IL5RA: variants seen among roughly 807,000 people sequenced by gnomAD.
The protein encoded by IL5RA is interleukin-5 receptor subunit alpha.
IL5RA carries 49 observed loss-of-function variants against 50.0 expected under a neutral mutation model. The observed-to-expected ratio is 0.98, with a 90% CI of 0.78 to 1.24. The LOEUF (loss-of-function observed/expected upper bound fraction) is 1.24. IL5RA is among the 50% of genes most tolerant of loss of function. The probability of loss-of-function intolerance (pLI) is 0.00; values close to 1 mark genes in which losing one functional copy is unlikely to be tolerated. For synonymous variants in IL5RA, 202 were observed against 174.0 expected, an observed-to-expected ratio of 1.16 and a Z score of -1.26; for missense variants, 600 against 500.4, an observed-to-expected ratio of 1.20 and a Z score of -1.90.
At chr3:3,073,111 T>C (rs1464236539) in intron 11 of IL5RA, among the ~76,000 whole-genome samples, 1 of 152,196 alleles carries the variant, frequency 6.6e-6, no homozygotes, top group East Asian at 1.9e-4. Context: ...AGAATGATTC[T>C]TTTGCCAGCC....
intron 10 of IL5RA, among the ~76,000 whole-genome samples, chr3:3,075,873 T>G (rs924229130): frequency 3.9e-5 from 6 of 152,188 alleles, no homozygotes; most frequent in African/African-American, 7.2e-5. Flanking sequence ...GTGCTGGGAT[T>G]ACAGGAGTGA....
At chr3:3,083,321 T>C (rs17878509) in intron 9 of IL5RA, among the ~76,000 whole-genome samples, 1,813 of 151,918 alleles carry the variant, frequency 0.012, 13 homozygotes, top group Middle Eastern at 0.044. Context: ...ATGTGTAGAG[T>C]AGTGAAGGAC....
chr3:3,089,660 G>A (rs1254815686), intron 9 of IL5RA, among the ~76,000 whole-genome samples: 1 of 139,012 alleles, frequency 7.2e-6, no homozygotes, highest in East Asian at 2.1e-4. Context: ...TTTTTTTTTT[G>A]AGATGTCGCC....
At position 3,092,142 on chromosome 3, in the gene IL5RA, C is replaced by A; in HGVS notation, c.994+82G>T. The A allele has an allele frequency of 5.1e-6, 8 of 1,554,222 alleles. No individual in the cohort carries two copies. Among genetic ancestry groups the A allele is most frequent in the Middle Eastern group, 1.7e-4 (1 of 5,788 alleles). Reference sequence around the variant, plus strand: ...AGATATGAAACCATTTTAAGACCCACGAGTGAACGGGTACGTTTCTGGGAT... The same window carrying A: ...AGATATGAAACCATTTTAAGACCCAAGAGTGAACGGGTACGTTTCTGGGAT... On this transcript the variant is annotated intron_variant, in intron 9 of 11. Transcript: ENST00000446632. This position sits in a 1 kb window ranked among gnomAD's most constrained non-coding sequence, Gnocchi z 4.2.
At chr3:3,091,693 C>T (rs142798401) in intron 9 of IL5RA, 1 of 152,490 alleles carries the variant, frequency 6.6e-6, no homozygotes, top group Non-Finnish European at 1.5e-5. Flanking sequence ...GATGGCGCCA[C>T]TGCACTCCAG....
intron 10 of IL5RA, among the ~76,000 whole-genome samples, chr3:3,076,275 G>T (rs1702479797): frequency 6.6e-6 from 1 of 152,176 alleles, no homozygotes; most frequent in Non-Finnish European, 1.5e-5. Flanking sequence ...GAAATTAAAA[G>T]CTGTCGACAA....
intron 5 of IL5RA, among the ~76,000 whole-genome samples, chr3:3,099,657 A>ATTT (rs1703544933): frequency 1.6e-5 from 1 of 62,544 alleles, no homozygotes; most frequent in Non-Finnish European, 3.1e-5. Flanking sequence ...ATTTTATTTT[A>ATTT]TTTATTATTA....
intron 9 of IL5RA, among the ~76,000 whole-genome samples, chr3:3,078,014 TG>T (rs1264958496): frequency 6.6e-6 from 1 of 152,154 alleles, no homozygotes; most frequent in Non-Finnish European, 1.5e-5. Flanking sequence ...TGGGATTCAG[TG>T]GTCGAAAGAT....
At chr3:3,073,342 T>A (rs949154513) in intron 11 of IL5RA, among the ~76,000 whole-genome samples, 2 of 143,088 alleles carry the variant, frequency 1.4e-5, no homozygotes, top group Non-Finnish European at 3.2e-5. Flanking sequence ...GAAAACTGTT[T>A]GATCTAAATC....
chr3:3,103,419 A>G (rs1394787820), intron 3 of IL5RA, among the ~76,000 whole-genome samples: 2 of 152,222 alleles, frequency 1.3e-5, no homozygotes, highest in African/African-American at 4.8e-5. Context: ...AGAATAGAAA[A>G]TATCAGTGTG....
chr3:3,103,289 A>G (rs566085080), intron 3 of IL5RA, among the ~76,000 whole-genome samples: 1 of 152,358 alleles, frequency 6.6e-6, no homozygotes, highest in East Asian at 1.9e-4. Context: ...ACATGTTACT[A>G]TATCACTATT....
intron 8 of IL5RA, among the ~76,000 whole-genome samples, chr3:3,094,573 G>A (rs1703267620): frequency 6.6e-6 from 1 of 152,174 alleles, no homozygotes; most frequent in Non-Finnish European, 1.5e-5. Flanking sequence ...GGACATGGGT[G>A]TACAAACATC....
chr3:3,092,993 G>GT lies in IL5RA; in HGVS notation c.856-632_856-631insA. Among the ~76,000 whole-genome samples the GT allele has an allele frequency of 1.3e-5, 2 of 151,922 alleles. No homozygotes were observed. Among genetic ancestry groups the GT allele is most frequent in the East Asian group, 1.9e-4 (1 of 5,174 alleles). ...CTAACTGATATCATATGTCCATGTC[G>GT]CCCCTCCCCACTCACATCCAGTTTT... On this transcript the variant is annotated intron_variant, in intron 8 of 11. Transcript: ENST00000446632. This position sits in a 1 kb window ranked among gnomAD's most constrained non-coding sequence, Gnocchi z 4.2.
At chr3:3,074,717 AT>A in intron 11 of IL5RA, 64 bp downstream of exon 11, 2 of 921,608 alleles carry the variant, frequency 2.2e-6, no homozygotes, top group Admixed American at 4.2e-5. Context: ...TAAGAACCGA[AT>A]GACAGCTCCC....
At chr3:3,102,573 A>T (rs1315512221) in intron 4 of IL5RA, 102 bp downstream of exon 4, 11 of 766,122 alleles carry the variant, frequency 1.4e-5, no homozygotes. Flanking sequence ...AGAGCCTGTC[A>T]GTAATTTTAT....
At chr3:3,087,151 C>T (rs900033970) in intron 9 of IL5RA, among the ~76,000 whole-genome samples, 2 of 152,106 alleles carry the variant, frequency 1.3e-5, no homozygotes, top group Non-Finnish European at 2.9e-5. Flanking sequence ...AATAAAAGCC[C>T]AGACTTAACC....
At chr3:3,102,959 C>A (rs1225422845) in intron 3 of IL5RA, 139 bp from the exon 4 acceptor site, 2 of 588,710 alleles carry the variant, frequency 3.4e-6, no homozygotes, top group Admixed American at 7.6e-5. Context: ...CTCCTGCGTG[C>A]CTGTAACACC....
At position 3,097,997 on chromosome 3, in the gene IL5RA, G is replaced by A. The variant is rs375616330; in HGVS notation, c.582C>T (p.Ile194=). ...EYSKDTLGRN[I]ACWFPRTFIL... is the part of the protein sequence containing the mutation. ...TAAAAGTCCTGGGAAACCAGCATGC[G>A]ATATTTCTCCCCAGTGTGTCTTTGC... is the stretch of plus-strand genomic sequence containing the variant. Residue 194 remains isoleucine, a synonymous_variant, in exon 7 of 12, where the codon ATC becomes ATT. Transcript: ENST00000446632. 4.3e-6 allele frequency: 7 copies of A among 1,614,040 alleles called. No homozygotes were observed. The East Asian group carries it at 6.7e-5, about 15-fold the overall frequency.
At chr3:3,074,904 G>A (rs1158058832) in intron 10 of IL5RA, 38 bp from the exon 11 acceptor site, 1 of 1,250,594 alleles carries the variant, frequency 8.0e-7, no homozygotes. Context: ...GTGAGCATGA[G>A]TATACCTTTT....
Sources: allele counts gnomAD v4.1 joint callset (sites outside exome capture counted in the v4.1 genomes callset), GRCh38; gene constraint gnomAD v4.1.1; non-coding constraint Gnocchi (gnomAD v3.1); transcripts MANE v1.5; gene names NCBI Gene and HGNC (gene_info 2026-07-23, HGNC 2026-07-21).